C17orf58: variants seen among roughly 807,000 people sequenced by gnomAD.
C17orf58 encodes the protein chromosome 17 open reading frame 58, also known as UPF0450 protein C17orf58.
In C17orf58, 5 loss-of-function variants were observed where a neutral mutation model predicts 7.4. The observed-to-expected ratio is 0.67, with a 90% CI of 0.35 to 1.42. The LOEUF (loss-of-function observed/expected upper bound fraction) is 1.42. Ranked by LOEUF, C17orf58 falls within the 40% of genes most tolerant of loss-of-function variation. The pLI is 0.04. For synonymous variants in C17orf58, 60 were observed against 70.6 expected (o/e 0.85, Z 0.75); for missense variants, 162 against 174.2 (o/e 0.93, Z 0.40).
At chr17:67,992,290 C>T (rs1482291099) in intron 3 of C17orf58, among the ~76,000 whole-genome samples, 187 bp from the exon 4 acceptor site, 3 of 152,024 alleles carry the variant, frequency 2.0e-5, no homozygotes, top group Admixed American at 6.6e-5. Flanking sequence ...CCAACCAGGC[C>T]GGTGTGGTGG....
At chr17:67,995,950 A>G (rs1568262420) in intron 1 of C17orf58, among the ~76,000 whole-genome samples, 173 bp downstream of exon 1, 1 of 152,224 alleles carries the variant, frequency 6.6e-6, no homozygotes, top group Non-Finnish European at 1.5e-5. Context: ...GCCAAGAGAC[A>G]CGAAACCTTG....
At chr17:67,995,714 C>G (rs555039176) in intron 1 of C17orf58, among the ~76,000 whole-genome samples, 1 of 152,198 alleles carries the variant, frequency 6.6e-6, no homozygotes, top group South Asian at 2.1e-4. Context: ...CCCCAGCCCT[C>G]CACAGCGCCC....
intron 1 of C17orf58, among the ~76,000 whole-genome samples, chr17:67,995,460 C>T (rs1555699704): frequency 6.6e-6 from 1 of 152,210 alleles, no homozygotes; most frequent in Non-Finnish European, 1.5e-5. Context: ...CTGTGAGGTA[C>T]GGAAACTGTT....
intron 1 of C17orf58, among the ~76,000 whole-genome samples, 178 bp from the exon 2 acceptor site, chr17:67,994,162 G>A (rs1192463446): frequency 2.6e-5 from 4 of 151,798 alleles, no homozygotes; most frequent in African/African-American, 9.7e-5. Context: ...GGGCAGGGGC[G>A]CTGCAGAAGA....
At chr17:67,994,080 A>G (rs1363702942) in intron 1 of C17orf58, 96 bp from the exon 2 acceptor site, 9 of 358,552 alleles carry the variant, frequency 2.5e-5, no homozygotes, top group African/African-American at 1.7e-4. Context: ...GAGAAGGAAG[A>G]AGAGGGAAGG....
At chr17:67,994,876 G>A (rs1478789703) in intron 1 of C17orf58, among the ~76,000 whole-genome samples, 4 of 152,082 alleles carry the variant, frequency 2.6e-5, no homozygotes, top group Non-Finnish European at 2.9e-5. Context: ...AGATGATGGA[G>A]GAAAGACTCC....
intron 1 of C17orf58, among the ~76,000 whole-genome samples, chr17:67,994,514 G>GCATATA (rs1285480406): frequency 0.034 from 2,943 of 87,222 alleles, 113 homozygotes; most frequent in Non-Finnish European, 0.051. Flanking sequence ...GTGTGTGTGT[G>GCATATA]TGTATATATA....
rs1410689932 is a variant in C17orf58 at position 67,996,261 on chromosome 17, C to G, written c.-63G>C. ...TGGTCTTTTGCTTGCTTTCTCTCCC[C>G]CAACCCCTTCTCCACACCCCCACCC... On this transcript the variant is annotated 5_prime_UTR_variant, in exon 1 of 4. Transcript: ENST00000580729. 5.0e-6 allele frequency: 2 copies of G among 398,558 alleles called. No homozygotes were observed. The highest frequency in any genetic ancestry group is 7.1e-5 in the East Asian group (2 of 28,052). 24.7% of individuals were successfully genotyped at this position (398,558 alleles called of 1,614,324 possible).
Position 67,996,102 on chromosome 17 carries a change from C to T in C17orf58, c.76+21G>A, listed in dbSNP as rs373878918. ...CAGATCCCCGCTCCGCTCCCAGGGC[C>T]CCGCACTACACCAATCTTACTTTTT... On this transcript the variant is annotated intron_variant, in intron 1 of 3. Coordinates refer to ENST00000580729, the MANE Select transcript of C17orf58 (RefSeq NM_001382359.1). 65 of 399,044 alleles carry T rather than the reference C, an allele frequency of 1.6e-4. 1 individual carries two copies. The highest frequency in any genetic ancestry group is 1.3e-3 in the East Asian group (36 of 28,054). 24.7% of individuals were successfully genotyped at this position (399,044 alleles called of 1,614,324 possible).
intron 3 of C17orf58, chr17:67,992,755 A>C: frequency 9.2e-7 from 1 of 1,091,088 alleles, no homozygotes; most frequent in East Asian, 2.6e-5. Flanking sequence ...GGTTCTGTAC[A>C]GTCCCTTCTG....
At chr17:67,995,473 T>C (rs1237967322) in intron 1 of C17orf58, among the ~76,000 whole-genome samples, 1 of 152,228 alleles carries the variant, frequency 6.6e-6, no homozygotes, top group South Asian at 2.1e-4. Flanking sequence ...AAACTGTTTT[T>C]CCCAGAGATA....
chr17:67,994,239 G>A (rs2070870103), intron 1 of C17orf58, among the ~76,000 whole-genome samples: 1 of 151,774 alleles, frequency 6.6e-6, no homozygotes, highest in African/African-American at 2.4e-5. Flanking sequence ...CAAGAGGAGA[G>A]ATGGGAGGGA....
chr17:67,992,778 G>T, intron 3 of C17orf58: 3 of 1,229,842 alleles, frequency 2.4e-6, no homozygotes, highest in Non-Finnish European at 3.4e-6. Context: ...AATGGTGTTT[G>T]GTCGTCCACC....
In C17orf58 at chr17:67,992,109, C is replaced by A. The variant is rs1555699322; in HGVS notation, c.830-6G>T. 1.9e-6 allele frequency: 3 copies of A among 1,544,838 alleles called. No individual in the cohort carries two copies. The highest frequency in any genetic ancestry group is 2.6e-6 in the Non-Finnish European group (3 of 1,146,100). ...CATCACAATATACCTGCTGCCTGGA[C>A]AAAATAACCAGAACATTAATTCATA... On this transcript the variant is annotated splice_polypyrimidine_tract_variant and splice_region_variant and intron_variant, in intron 3 of 3. Coordinates refer to ENST00000580729, the MANE Select transcript of C17orf58 (RefSeq NM_001382359.1).
chr17:67,992,181 A>G, intron 3 of C17orf58, 78 bp from the exon 4 acceptor site: 2 of 1,234,476 alleles, frequency 1.6e-6, no homozygotes, highest in Non-Finnish European at 2.2e-6. Flanking sequence ...CCTTTAAGAA[A>G]CGCCTAAGCT....
Position 67,993,686 on chromosome 17 carries a change from T to C in C17orf58, c.375A>G (p.Arg125=), listed in dbSNP as rs7502455. The C allele has an allele frequency of 0.047, 6,825 of 144,406 alleles. 546 individuals carry two copies. Among genetic ancestry groups the C allele is most frequent in the East Asian group, 0.21 (1,007 of 4,804 alleles). 8.9% of individuals were successfully genotyped at this position (144,406 alleles called of 1,614,324 possible). The part of the protein sequence containing the change: ...RREPASEDAP[R]RARSRALRFP... Reference sequence around the variant, plus strand: ...AGCGCAGGGCCCGTGAGCGCGCGCGTCGCGGGGCGTCCTCCGACGCGGGCT... The same window carrying C: ...AGCGCAGGGCCCGTGAGCGCGCGCGCCGCGGGGCGTCCTCCGACGCGGGCT... The change falls in exon 2 of 4, where the codon CGA becomes CGG. Residue 125 remains arginine (R), a synonymous_variant. Coordinates refer to ENST00000580729, the MANE Select transcript of C17orf58 (RefSeq NM_001382359.1). This position sits in a 1 kb window ranked among gnomAD's most constrained non-coding sequence, Gnocchi z 5.1.
rs782384030 is a variant in C17orf58, at chr17:67,993,163, C to T, written c.710G>A (p.Arg237Gln). 15 of 1,613,400 alleles carry T rather than the reference C, an allele frequency of 9.3e-6. No individual in the cohort carries two copies. The highest frequency in any genetic ancestry group is 1.3e-5 in the Non-Finnish European group (15 of 1,179,560). ...GIRLVTLLVD[R>Q]DGLYKMNRLY... Reference sequence around the variant, plus strand: ...GCGGTTCATCTTGTACAGCCCGTCCCGATCCACCAGCAGGGTCACCAGCCG... The same window carrying T: ...GCGGTTCATCTTGTACAGCCCGTCCTGATCCACCAGCAGGGTCACCAGCCG... The change falls in exon 3 of 4, where the codon CGG becomes CAG. Residue 237 changes from arginine (R) to glutamine (Q), a missense_variant. Coordinates refer to ENST00000580729, the MANE Select transcript of C17orf58 (RefSeq NM_001382359.1). This position sits in a 1 kb window ranked among gnomAD's most constrained non-coding sequence, Gnocchi z 5.1.
rs2070852533 is a variant in C17orf58 at position 67,993,108 on chromosome 17, G to C, written c.765C>G (p.Phe255Leu). Residue 255 changes from phenylalanine to leucine, a missense_variant, in exon 3 of 4, where the codon TTC becomes TTG. Physicochemically the swap from Phe to Leu is conservative, Grantham distance 22 (BLOSUM62 0). Transcript: ENST00000580729. The surrounding 1 kb of genome is among the most constrained non-coding windows in gnomAD (Gnocchi z 5.1). ...AGTCCAGGGCTAACATGTGGACTCG[G>C]AAGAAGAAGCCGTCGGGGGTGAGGT... ...RLYLTPDGFF[F>L]RVHMLALDSS... 3.7e-6 allele frequency: 6 copies of C among 1,614,150 alleles called. No individual in the cohort carries two copies. Among genetic ancestry groups the C allele is most frequent in the Non-Finnish European group, 5.1e-6 (6 of 1,179,990 alleles).
At chr17:67,995,218 T>A (rs534156042) in intron 1 of C17orf58, among the ~76,000 whole-genome samples, 2 of 152,352 alleles carry the variant, frequency 1.3e-5, no homozygotes, top group East Asian at 1.9e-4. Flanking sequence ...AGAGTTCATG[T>A]TTTTGCAAAG....
Sources: gnomAD v4.1 joint callset for allele counts (sites outside exome capture counted in the v4.1 genomes callset) on GRCh38, gnomAD v4.1.1 for gene constraint, Gnocchi (gnomAD v3.1) non-coding constraint, MANE v1.5 for transcripts, NCBI Gene and HGNC (gene_info 2026-07-23, HGNC 2026-07-21) for gene names.